The following CTNND2 variants were observed in gnomAD, a reference collection of about 807,000 sequenced individuals.
The protein encoded by CTNND2 is catenin delta-2.
A neutral mutation model predicts 144.4 loss-of-function variants in CTNND2; 22 were observed. The observed-to-expected ratio is 0.15, with a 90% CI of 0.11 to 0.22. CTNND2 has a LOEUF of 0.22. CTNND2 is among the 10% of genes least tolerant of loss of function. The pLI is 1.00. For missense variants in CTNND2, 1,353 were observed against 1,618.8 expected (o/e 0.84, Z 2.82); for synonymous variants, 751 against 695.6 (o/e 1.08, Z -1.25).
chr5:11,429,901 G>T (rs755734969), intron 3 of CTNND2, among the ~76,000 whole-genome samples: 2 of 152,044 alleles, frequency 1.3e-5, no homozygotes, highest in African/African-American at 4.8e-5. Flanking sequence ...AAAAACAAAT[G>T]TAATTTTTGT....
At chr5:11,148,273 C>T (rs1164005932) in intron 12 of CTNND2, among the ~76,000 whole-genome samples, 2 of 152,130 alleles carry the variant, frequency 1.3e-5, no homozygotes, top group Non-Finnish European at 2.9e-5. Flanking sequence ...TTTGAACGTA[C>T]CAAATGCTGC....
chr5:11,429,227 C>CAT (rs1763051310), intron 3 of CTNND2, among the ~76,000 whole-genome samples: 1 of 152,182 alleles, frequency 6.6e-6, no homozygotes, highest in South Asian at 2.1e-4. Context: ...TAAACTTGAG[C>CAT]AAACTAATTT....
intron 2 of CTNND2, among the ~76,000 whole-genome samples, chr5:11,585,375 G>A (rs191450899): frequency 9.0e-4 from 137 of 151,748 alleles, no homozygotes; most frequent in Admixed American, 2.1e-3. Flanking sequence ...TTTTTTAATC[G>A]GGGGAAAAAG....
chr5:11,016,849 C>T (rs1741656143), intron 18 of CTNND2, among the ~76,000 whole-genome samples: 1 of 152,126 alleles, frequency 6.6e-6, no homozygotes, highest in Non-Finnish European at 1.5e-5. Flanking sequence ...CAGCTCACCT[C>T]AACCTCTGCC....
intron 2 of CTNND2, among the ~76,000 whole-genome samples, chr5:11,706,202 G>C (rs894260466): frequency 6.6e-6 from 1 of 152,206 alleles, no homozygotes; most frequent in African/African-American, 2.4e-5. Flanking sequence ...AGCTGTGTGA[G>C]GTTCTGAGGA....
At chr5:11,414,631 T>C (rs1001837292) in intron 3 of CTNND2, among the ~76,000 whole-genome samples, 1 of 152,184 alleles carries the variant, frequency 6.6e-6, no homozygotes, top group African/African-American at 2.4e-5. Flanking sequence ...CCGGGATCCA[T>C]GCGAAGGTTT....
chr5:11,862,933 G>T (rs2127029601), intron 1 of CTNND2, among the ~76,000 whole-genome samples: 1 of 152,248 alleles, frequency 6.6e-6, no homozygotes, highest in East Asian at 1.9e-4. Flanking sequence ...CCATTCAAGA[G>T]AAAAATTCGG....
intron 2 of CTNND2, among the ~76,000 whole-genome samples, chr5:11,644,567 G>A (rs990966454): frequency 2.0e-5 from 3 of 151,986 alleles, no homozygotes; most frequent in Non-Finnish European, 2.9e-5. Flanking sequence ...CCAGCTACTC[G>A]GGAGGCTGAG....
At chr5:11,057,146 C>T (rs534772302) in intron 16 of CTNND2, among the ~76,000 whole-genome samples, 3 of 152,330 alleles carry the variant, frequency 2.0e-5, no homozygotes, top group South Asian at 4.1e-4. Flanking sequence ...TCAAGACCAA[C>T]ATTCTGGATT....
At chr5:11,294,455 G>C (rs1244051472) in intron 9 of CTNND2, among the ~76,000 whole-genome samples, 1 of 152,086 alleles carries the variant, frequency 6.6e-6, no homozygotes, top group Non-Finnish European at 1.5e-5. Flanking sequence ...GAAAAAGCAA[G>C]CTCCTCGCTT....
intron 1 of CTNND2, among the ~76,000 whole-genome samples, chr5:11,811,441 T>G (rs1792327845): frequency 6.6e-6 from 1 of 152,150 alleles, no homozygotes. Flanking sequence ...TCTTTAAAGA[T>G]TATCATGAAA....
chr5:11,722,710 AACTC>A (rs1327135227), intron 2 of CTNND2, among the ~76,000 whole-genome samples: 6 of 152,190 alleles, frequency 3.9e-5, no homozygotes, highest in African/African-American at 1.4e-4. Flanking sequence ...ATCTTGTGAG[AACTC>A]ACTCACTATC....
chr5:11,392,589 G>T (rs1367875988), intron 6 of CTNND2, among the ~76,000 whole-genome samples: 1 of 152,074 alleles, frequency 6.6e-6, no homozygotes, highest in East Asian at 1.9e-4. Context: ...TTCCATTATT[G>T]AAGCCAAACT....
chr5:11,298,389 T>C (rs550082620), intron 9 of CTNND2, among the ~76,000 whole-genome samples: 71 of 152,306 alleles, frequency 4.7e-4, no homozygotes, highest in Admixed American at 9.1e-4. Flanking sequence ...CAGGCTGGTC[T>C]TGAACTCCTG....
intron 1 of CTNND2, among the ~76,000 whole-genome samples, chr5:11,783,893 T>C (rs1790689729): frequency 6.6e-6 from 1 of 152,174 alleles, no homozygotes; most frequent in African/African-American, 2.4e-5. Context: ...GACAACTCTA[T>C]AGATGTCTCT....
chr5:11,197,693 C>T lies in CTNND2; in HGVS notation c.1975+1755G>A, dbSNP rs113829740. 5.6e-3 allele frequency among the ~76,000 whole-genome samples: 845 copies of T among 152,252 alleles called. 13 individuals are homozygous for T. Among genetic ancestry groups the T allele is most frequent in the African/African-American group, 0.019 (790 of 41,546 alleles). On this transcript the variant is annotated intron_variant, in intron 11 of 21. Transcript: ENST00000304623. ...ATGTCGAAGGCAATGGAGTAGACTG[C>T]GGTCAGTTCCTTTACAGCTGCTTCA...
chr5:11,757,783 GTGT>G (rs1390267095), intron 1 of CTNND2, among the ~76,000 whole-genome samples: 1 of 151,934 alleles, frequency 6.6e-6, no homozygotes, highest in Non-Finnish European at 1.5e-5. Flanking sequence ...TGTCAAAGTA[GTGT>G]TGTTGTATTT....
intron 17 of CTNND2, among the ~76,000 whole-genome samples, chr5:11,021,840 T>C (rs1330575586): frequency 2.6e-5 from 4 of 152,154 alleles, no homozygotes; most frequent in African/African-American, 9.6e-5. Flanking sequence ...TGGCAGGGAA[T>C]GAAAAGTCAA....
chr5:11,880,587 A>C (rs1735983836), intron 1 of CTNND2, among the ~76,000 whole-genome samples: 2 of 140,928 alleles, frequency 1.4e-5, no homozygotes, highest in Admixed American at 7.1e-5. Flanking sequence ...TACTACCACT[A>C]CTCCTACTAT....
Sources: allele counts gnomAD v4.1 joint callset (sites outside exome capture counted in the v4.1 genomes callset), GRCh38; gene constraint gnomAD v4.1.1; transcripts MANE v1.5; gene names NCBI Gene and HGNC (gene_info 2026-07-23, HGNC 2026-07-21).